The following CTBS variants were observed in gnomAD, a reference collection of about 807,000 sequenced individuals.
CTBS encodes the protein di-N-acetylchitobiase.
A neutral mutation model predicts 44.3 loss-of-function variants in CTBS; 35 were observed. That is an observed-to-expected ratio of 0.79 (90% CI 0.60 to 1.05). The LOEUF is 1.05. CTBS is among the 50% of genes least tolerant of loss of function. The probability of loss-of-function intolerance (pLI) is 0.00; values close to 1 mark genes in which losing one functional copy is unlikely to be tolerated. For missense variants in CTBS, 458 were observed against 475.3 expected (o/e 0.96, Z 0.34); for synonymous variants, 143 against 168.0 (o/e 0.85, Z 1.15).
rs112638417 is a variant in CTBS, at chr1:84,554,804, C to T, written c.*195G>A. On this transcript the variant is annotated 3_prime_UTR_variant, in exon 7 of 7. Transcript: ENST00000370630. ...AATATTTAATAGGTAAGTTGACTTG[C>T]TTCTTGCCTTTATGTTCCTGGATAC... 0.04 allele frequency: 20,077 copies of T among 506,310 alleles called. 549 individuals carry two copies. Among genetic ancestry groups the T allele is most frequent in the Admixed American group, 0.093 (2,527 of 27,064 alleles). 31.4% of individuals were successfully genotyped at this position (506,310 alleles called of 1,614,324 possible). A position where few individuals can be genotyped will look rare whatever the true frequency, so the allele number is the denominator to read the frequency against.
At position 84,565,900 on chromosome 1, in the gene CTBS, C is replaced by T. The variant is rs1684690824; in HGVS notation, c.638G>A (p.Ser213Asn). 6.3e-7 allele frequency: 1 copy of T among 1,594,142 alleles called. No homozygotes were observed. Among genetic ancestry groups the T allele is most frequent in the Non-Finnish European group, 8.5e-7 (1 of 1,171,380 alleles). The change falls in exon 4 of 7, where the codon AGT becomes AAT. Residue 213 changes from serine to asparagine, a missense_variant. Ser to Asn is a conservative substitution (Grantham distance 46, BLOSUM62 1). Coordinates refer to ENST00000370630, the MANE Select transcript of CTBS (RefSeq NM_004388.3). Reference sequence around the variant, plus strand: ...TGCAATACATTCTGACCAGATCTGACTTTGTTCATCATAAGACATCACAAA... The same window carrying T: ...TGCAATACATTCTGACCAGATCTGATTTTGTTCATCATAAGACATCACAAA... ...FLFVMSYDEQ[S>N]QIWSECIAAA...
Position 84,551,519 on chromosome 1 carries a change from C to A in CTBS, c.*3480G>T, listed in dbSNP as rs911790573. The A allele has an allele frequency of 6.4e-6, 1 of 157,066 alleles. No homozygotes were observed. The highest frequency in any genetic ancestry group is 1.4e-5 in the Non-Finnish European group (1 of 72,642). 9.7% of individuals were successfully genotyped at this position (157,066 alleles called of 1,614,324 possible). A position where few individuals can be genotyped will look rare whatever the true frequency, so the allele number is the denominator to read the frequency against. Reference sequence around the variant, plus strand: ...AGCACTTGAAATGTAGTTTGTGTGACTGAGGAACTGAATTTTAAATTTTAT... The same window carrying A: ...AGCACTTGAAATGTAGTTTGTGTGAATGAGGAACTGAATTTTAAATTTTAT... On this transcript the variant is annotated 3_prime_UTR_variant, in exon 7 of 7. Transcript: ENST00000370630.
At chr1:84,556,378 A>G (rs1419449583) in intron 6 of CTBS, among the ~76,000 whole-genome samples, 1 of 152,134 alleles carries the variant, frequency 6.6e-6, no homozygotes, top group Admixed American at 6.6e-5. Context: ...TGCCAGTAAT[A>G]TTTACAGCAG....
intron 6 of CTBS, among the ~76,000 whole-genome samples, chr1:84,557,533 CAAAAAAAAA>C (rs56101174): frequency 1.8e-5 from 1 of 55,438 alleles, no homozygotes; most frequent in Non-Finnish European, 3.5e-5. Context: ...AACTCCATCT[CAAAAAAAAA>C]AAAAAAAAAA....
chr1:84,570,283 A>G (rs1402674645), intron 2 of CTBS, 144 bp from the exon 3 acceptor site: 2 of 701,138 alleles, frequency 2.9e-6, no homozygotes, highest in Non-Finnish European at 4.7e-6. Flanking sequence ...CTCCAAAATA[A>G]CCATTATAAA....
intron 6 of CTBS, 105 bp downstream of exon 6, chr1:84,563,152 G>A: frequency 1.4e-6 from 1 of 721,416 alleles, no homozygotes; most frequent in Non-Finnish European, 2.1e-6. Context: ...TGCATGTTAT[G>A]CCCTAAAAGA....
rs771545481 is a variant in CTBS, at chr1:84,574,275, C to T, written c.141G>A (p.Glu47=). 2.5e-6 allele frequency: 4 copies of T among 1,594,106 alleles called. No individual in the cohort carries two copies. In the South Asian group the frequency reaches 4.5e-5, roughly 18 times the overall value. The change falls in exon 1 of 7, where the codon GAG becomes GAA. Residue 47 remains glutamate (E), a synonymous_variant. Transcript: ENST00000370630. ...AGTDCPCPEP[E]LCRPIRHHPD... is the part of the protein sequence containing the mutation. ...GATGGTGGCGAATCGGGCGGCAGAG[C>T]TCAGGCTCCGGGCATGGGCAGTCGG...
chr1:84,550,332 C>T lies in CTBS; in HGVS notation c.*4667G>A. On this transcript the variant is annotated 3_prime_UTR_variant, in exon 7 of 7. Coordinates refer to ENST00000370630, the MANE Select transcript of CTBS (RefSeq NM_004388.3). ...CGGAATAGGTTATTTTCATGATTTA[C>T]TCTTTTGATCTTTATCATTTCATAG... 1.9e-6 allele frequency: 1 copy of T among 518,236 alleles called. No individual in the cohort carries two copies. Among genetic ancestry groups the T allele is most frequent in the Non-Finnish European group, 3.1e-6 (1 of 318,068 alleles). 32.1% of individuals were successfully genotyped at this position (518,236 alleles called of 1,614,324 possible).
intron 6 of CTBS, among the ~76,000 whole-genome samples, chr1:84,559,240 A>G (rs1451929614): frequency 6.6e-6 from 1 of 152,152 alleles, no homozygotes; most frequent in African/African-American, 2.4e-5. Context: ...TTATTATTAT[A>G]TCTGTTATGA....
rs1274112580 is a variant in CTBS, at chr1:84,550,290, C to CAA, written c.*4707_*4708dup. ...GAAACAAATAGTAATTTCTCCAAAG[C>CAA]AATTTAGTTTACTTTACGGAATAGG... On this transcript the variant is annotated 3_prime_UTR_variant, in exon 7 of 7. Transcript: ENST00000370630. 4.8e-6 allele frequency: 2 copies of CAA among 415,278 alleles called. No individual in the cohort carries two copies. Among genetic ancestry groups the CAA allele is most frequent in the Admixed American group, 4.5e-5 (1 of 22,252 alleles). The allele number at this position is 415,278 out of a possible 1,614,324, so 25.7% of individuals were successfully genotyped here.
At chr1:84,568,490 CA>C (rs1684738427) in intron 3 of CTBS, among the ~76,000 whole-genome samples, 1 of 152,140 alleles carries the variant, frequency 6.6e-6, no homozygotes, top group South Asian at 2.1e-4. Context: ...ATTATTTTAC[CA>C]GTAATTCTCA....
At chr1:84,559,358 C>T (rs1246853855) in intron 6 of CTBS, among the ~76,000 whole-genome samples, 2 of 152,188 alleles carry the variant, frequency 1.3e-5, no homozygotes, top group African/African-American at 4.8e-5. Flanking sequence ...CGGTAGCTCA[C>T]GCCTGTAATG....
At chr1:84,560,031 C>T (rs1350699203) in intron 6 of CTBS, among the ~76,000 whole-genome samples, 2 of 145,312 alleles carry the variant, frequency 1.4e-5, no homozygotes, top group Non-Finnish European at 3.0e-5. Context: ...GTGCAGTGAA[C>T]CCAGAGGGCG....
At chr1:84,572,383 T>G (rs2102033010) in intron 1 of CTBS, among the ~76,000 whole-genome samples, 1 of 151,834 alleles carries the variant, frequency 6.6e-6, no homozygotes, top group South Asian at 2.1e-4. Flanking sequence ...TTCTGATAAT[T>G]AAGATTCTAT....
intron 3 of CTBS, among the ~76,000 whole-genome samples, chr1:84,567,691 A>AT (rs1454543213): frequency 6.6e-6 from 1 of 152,074 alleles, no homozygotes; most frequent in Non-Finnish European, 1.5e-5. Flanking sequence ...TTATCTAGTC[A>AT]TTTTTTGTTG....
intron 3 of CTBS, among the ~76,000 whole-genome samples, chr1:84,567,401 C>T (rs1210193592): frequency 6.6e-6 from 1 of 152,154 alleles, no homozygotes; most frequent in African/African-American, 2.4e-5. Context: ...AGAGTGTTTT[C>T]ACCAGGATTT....
Position 84,553,298 on chromosome 1 carries a change from C to A in CTBS, c.*1701G>T. On this transcript the variant is annotated 3_prime_UTR_variant, in exon 7 of 7. Coordinates refer to ENST00000370630, the MANE Select transcript of CTBS (RefSeq NM_004388.3). ...AGGAAATATTAGATGTAATATAAAGCAAAATGATGAATGGTTATTTTTAAC... is the reference window on the plus strand; with the variant it reads ...AGGAAATATTAGATGTAATATAAAGAAAAATGATGAATGGTTATTTTTAAC... 2.7e-6 allele frequency: 1 copy of A among 368,804 alleles called. No individual in the cohort carries two copies. Among genetic ancestry groups the A allele is most frequent in the East Asian group, 4.6e-5 (1 of 21,692 alleles). The allele number at this position is 368,804 out of a possible 1,614,324, so 22.8% of individuals were successfully genotyped here.
At chr1:84,557,636 A>G (rs1417178314) in intron 6 of CTBS, among the ~76,000 whole-genome samples, 1 of 151,418 alleles carries the variant, frequency 6.6e-6, no homozygotes, top group African/African-American at 2.4e-5. Context: ...TGGGCAGATC[A>G]TGAGGTCAGG....
intron 3 of CTBS, among the ~76,000 whole-genome samples, chr1:84,569,633 T>G (rs1489755101): frequency 6.6e-6 from 1 of 152,208 alleles, no homozygotes; most frequent in Non-Finnish European, 1.5e-5. Flanking sequence ...TGGTAAAAGC[T>G]GGTTAGGCGC....
Sources: allele counts gnomAD v4.1 joint callset (sites outside exome capture counted in the v4.1 genomes callset), GRCh38; gene constraint gnomAD v4.1.1; transcripts MANE v1.5; gene names NCBI Gene and HGNC (gene_info 2026-07-23, HGNC 2026-07-21).